The following NPAS3 variants were observed in gnomAD, a reference collection of about 807,000 sequenced individuals.
The protein encoded by NPAS3 is neuronal PAS domain protein 3.
In NPAS3, 14 loss-of-function variants were observed where a neutral mutation model predicts 73.1. That is an observed-to-expected ratio of 0.19 (90% CI 0.13 to 0.30). The LOEUF (loss-of-function observed/expected upper bound fraction) is 0.30. Ranked by LOEUF, NPAS3 falls within the 10% of genes least tolerant of loss-of-function variation. The probability of loss-of-function intolerance (pLI) is 1.00; values close to 1 mark genes in which losing one functional copy is unlikely to be tolerated. For missense variants in NPAS3, 1,096 were observed against 1,250.0 expected (o/e 0.88, Z 1.86); for synonymous variants, 620 against 541.5 (o/e 1.14, Z -2.01).
At chr14:33,567,733 T>C (rs970695904) in intron 5 of NPAS3, among the ~76,000 whole-genome samples, 3 of 152,222 alleles carry the variant, frequency 2.0e-5, no homozygotes, top group African/African-American at 7.2e-5. Context: ...AATTAATTTC[T>C]TATTACAGGT....
At chr14:33,074,993 T>G (rs565217897) in intron 2 of NPAS3, among the ~76,000 whole-genome samples, 3 of 152,364 alleles carry the variant, frequency 2.0e-5, no homozygotes, top group Non-Finnish European at 2.9e-5. Context: ...ATTGAAATAC[T>G]ATATTTTCTG....
intron 2 of NPAS3, 78 bp from the exon 3 acceptor site, chr14:33,215,103 GA>G: frequency 2.1e-6 from 3 of 1,422,794 alleles, no homozygotes; most frequent in Non-Finnish European, 2.9e-6. Context: ...GGGAAAAAAG[GA>G]AATACAAAGA....
intron 4 of NPAS3, among the ~76,000 whole-genome samples, chr14:33,371,528 G>A (rs963810415): frequency 6.6e-6 from 1 of 152,102 alleles, no homozygotes; most frequent in African/African-American, 2.4e-5. Flanking sequence ...AGTATCTCAT[G>A]GTCATGTCTG....
At chr14:33,351,773 G>C (rs1416308172) in intron 3 of NPAS3, among the ~76,000 whole-genome samples, 3 of 152,034 alleles carry the variant, frequency 2.0e-5, no homozygotes, top group Non-Finnish European at 4.4e-5. Context: ...TTTTGAACAA[G>C]GGCATGACAT....
intron 2 of NPAS3, among the ~76,000 whole-genome samples, chr14:33,171,539 C>A (rs2139380416): frequency 6.6e-6 from 1 of 152,352 alleles, no homozygotes; most frequent in South Asian, 2.1e-4. Context: ...TTTTCTTCTG[C>A]AGCTTCCTCA....
intron 1 of NPAS3, among the ~76,000 whole-genome samples, chr14:33,032,649 G>A (rs917524740): frequency 6.6e-6 from 1 of 152,164 alleles, no homozygotes; most frequent in Admixed American, 6.5e-5. Flanking sequence ...ATCCTTATAT[G>A]CGGTTTACAC....
At chr14:33,592,022 T>G (rs562522998) in intron 5 of NPAS3, among the ~76,000 whole-genome samples, 1 of 152,210 alleles carries the variant, frequency 6.6e-6, no homozygotes, top group African/African-American at 2.4e-5. Flanking sequence ...CTTACACTAG[T>G]TTTTACACAG....
chr14:33,796,292 T>C (rs1595632661), intron 10 of NPAS3, among the ~76,000 whole-genome samples: 1 of 152,180 alleles, frequency 6.6e-6, no homozygotes, highest in East Asian at 1.9e-4. Flanking sequence ...TCCCATTCCC[T>C]CGTGATACTT....
chr14:33,214,294 C>T (rs1398802640), intron 2 of NPAS3: 3 of 152,102 alleles, frequency 2.0e-5, no homozygotes, highest in Non-Finnish European at 2.9e-5. Flanking sequence ...AGATTCTGCC[C>T]TCAGCAATGT....
Position 33,799,726 on chromosome 14 carries a change from CCA to C in NPAS3, c.1427-3_1427-2del. ...CCCCCGCCACCGCCGGCCCCCCGCCCCACACAGAGGACAACGAGAACTCCAAG... is the reference window on the plus strand; with the variant it reads ...CCCCCGCCACCGCCGGCCCCCCGCCCCACAGAGGACAACGAGAACTCCAAG... On this transcript the variant is annotated splice_polypyrimidine_tract_variant and splice_region_variant and intron_variant, in intron 11 of 11. Coordinates refer to ENST00000356141, the Ensembl canonical transcript of NPAS3. The C allele has an allele frequency of 2.6e-6, 4 of 1,558,866 alleles. No homozygotes were observed.
chr14:33,635,013 G>A (rs937444641), intron 5 of NPAS3, among the ~76,000 whole-genome samples: 1 of 152,190 alleles, frequency 6.6e-6, no homozygotes. Context: ...ATATGCTCAA[G>A]TTTGAGAAGC....
At chr14:33,611,275 T>C (rs1474538176) in intron 5 of NPAS3, among the ~76,000 whole-genome samples, 1 of 152,194 alleles carries the variant, frequency 6.6e-6, no homozygotes, top group East Asian at 1.9e-4. Flanking sequence ...ATAGAGCAAG[T>C]ACTATTAAAA....
chr14:33,215,991 C>A (rs1346784169), intron 3 of NPAS3, among the ~76,000 whole-genome samples: 1 of 152,142 alleles, frequency 6.6e-6, no homozygotes, highest in African/African-American at 2.4e-5. Context: ...GTTACTCTTA[C>A]AACTTAGTAT....
chr14:33,309,727 T>C (rs764610440), intron 3 of NPAS3, among the ~76,000 whole-genome samples: 4 of 152,210 alleles, frequency 2.6e-5, no homozygotes, highest in Non-Finnish European at 5.9e-5. Flanking sequence ...GTTTATTGCT[T>C]AATTTTTAAA....
chr14:33,492,191 A>T (rs1022519410), intron 4 of NPAS3, among the ~76,000 whole-genome samples: 3 of 152,178 alleles, frequency 2.0e-5, no homozygotes, highest in Non-Finnish European at 4.4e-5. Context: ...TTACGCTCAC[A>T]TATCGATGGA....
intron 3 of NPAS3, among the ~76,000 whole-genome samples, chr14:33,272,445 C>G (rs1450361803): frequency 1.3e-5 from 2 of 152,146 alleles, no homozygotes; most frequent in African/African-American, 4.8e-5. Context: ...GAGATGGAGC[C>G]TCACTCTGTC....
intron 7 of NPAS3, among the ~76,000 whole-genome samples, chr14:33,755,300 C>T (rs1476166916): frequency 6.6e-6 from 1 of 152,092 alleles, no homozygotes; most frequent in African/African-American, 2.4e-5. Flanking sequence ...ATTGGCTTAG[C>T]TTATGTTTAT....
chr14:33,754,122 A>G (rs1276102034), intron 7 of NPAS3, among the ~76,000 whole-genome samples: 1 of 152,214 alleles, frequency 6.6e-6, no homozygotes, highest in Non-Finnish European at 1.5e-5. Context: ...GGTGGCGGCT[A>G]GAGAAAGAAT....
chr14:33,328,692 C>T (rs530730298), intron 3 of NPAS3, among the ~76,000 whole-genome samples: 4 of 151,812 alleles, frequency 2.6e-5, no homozygotes, highest in Non-Finnish European at 4.4e-5. Context: ...CTCCTGACCA[C>T]GTGATCCTCC....
Sources: allele counts gnomAD v4.1 joint callset (sites outside exome capture counted in the v4.1 genomes callset), GRCh38; gene constraint gnomAD v4.1.1; transcripts MANE v1.5; gene names NCBI Gene and HGNC (gene_info 2026-07-23, HGNC 2026-07-21).